Variants in LIX1L observed in about 807,000 individuals in gnomAD.
LIX1L encodes limb and CNS expressed 1 like, also known as LIX1-like protein.
A neutral mutation model predicts 34.0 loss-of-function variants in LIX1L; 20 were observed. The observed-to-expected ratio is 0.59, with a 90% CI of 0.41 to 0.85. The LOEUF (loss-of-function observed/expected upper bound fraction) is 0.85, where lower values mean the gene tolerates loss of function less well. Ranked by LOEUF, LIX1L falls within the 40% of genes least tolerant of loss-of-function variation. The pLI is 0.00. For synonymous variants in LIX1L, 170 were observed against 187.4 expected (o/e 0.91, Z 0.76); for missense variants, 397 against 447.0 (o/e 0.89, Z 1.01).
At chr1:145,950,852 G>A (rs1195522353) in intron 1 of LIX1L, among the ~76,000 whole-genome samples, 1 of 152,222 alleles carries the variant, frequency 6.6e-6, no homozygotes, top group Non-Finnish European at 1.5e-5. Context: ...ACTTTGTGGT[G>A]CAAATGTGGT....
rs782424534 is a variant in LIX1L at position 145,947,611 on chromosome 1, A to G, written c.456+8T>C. On this transcript the variant is annotated splice_region_variant and intron_variant, in intron 2 of 5. Transcript: ENST00000604000. ...TTACCTTTGCTACTGCCACCTCACAACTCTTACCTGGAAACTCCCAAAGCA... is the reference window on the plus strand; with the variant it reads ...TTACCTTTGCTACTGCCACCTCACAGCTCTTACCTGGAAACTCCCAAAGCA... 5.0e-6 allele frequency: 8 copies of G among 1,613,338 alleles called. No homozygotes were observed. Among genetic ancestry groups the G allele is most frequent in the South Asian group, 3.3e-5 (3 of 91,022 alleles).
chr1:145,953,479 TC>T (rs1342856713), intron 1 of LIX1L, among the ~76,000 whole-genome samples: 7 of 152,126 alleles, frequency 4.6e-5, no homozygotes, highest in African/African-American at 1.7e-4. Flanking sequence ...CAATAGTTCA[TC>T]TATTTCCTAT....
intron 3 of LIX1L, among the ~76,000 whole-genome samples, chr1:145,938,371 G>GA (rs1648750770): frequency 6.6e-6 from 1 of 151,992 alleles, no homozygotes; most frequent in Non-Finnish European, 1.5e-5. Context: ...AAGACACACT[G>GA]TCCTGCATTC....
chr1:145,936,659 T>C, intron 5 of LIX1L, 107 bp from the exon 6 acceptor site: 1 of 1,360,640 alleles, frequency 7.3e-7, no homozygotes, highest in South Asian at 1.3e-5. Flanking sequence ...CTAACTGAGG[T>C]CAGCACCTAA....
chr1:145,936,353 A>G lies in LIX1L; in HGVS notation c.971T>C (p.Leu324Pro). The G allele has an allele frequency of 6.2e-7, 1 of 1,614,222 alleles. No individual in the cohort carries two copies. The highest frequency in any genetic ancestry group is 8.5e-7 in the Non-Finnish European group (1 of 1,180,046). The change falls in exon 6 of 6, where the codon CTG (leucine) becomes CCG (proline). Residue 324 changes from leucine (L) to proline (P), a missense_variant. Physicochemically the swap from Leu to Pro is moderately conservative, Grantham distance 98. Coordinates refer to ENST00000604000, the MANE Select transcript of LIX1L (RefSeq NM_153713.3). ...FHKEKKDILVLAAGQLGNMHS... is the reference protein window; with the variant it reads ...FHKEKKDILVPAAGQLGNMHS... Reference sequence around the variant, plus strand: ...CATATTGCCCAACTGCCCAGCAGCCAGCACAAGAATATCTTTCTTCTCCTT... The same window carrying G: ...CATATTGCCCAACTGCCCAGCAGCCGGCACAAGAATATCTTTCTTCTCCTT...
intron 1 of LIX1L, among the ~76,000 whole-genome samples, chr1:145,953,802 C>T (rs1200111664): frequency 6.6e-6 from 1 of 152,118 alleles, no homozygotes; most frequent in Non-Finnish European, 1.5e-5. Flanking sequence ...GCCTATAATT[C>T]CAGCACTTTG....
intron 4 of LIX1L, 117 bp from the exon 5 acceptor site, chr1:145,937,102 C>T (rs1292999444): frequency 3.8e-6 from 2 of 526,632 alleles, no homozygotes; most frequent in Non-Finnish European, 7.0e-6. Flanking sequence ...TCATCACTAA[C>T]TCTGATAGGC....
chr1:145,957,514 G>C (rs1336108064), intron 1 of LIX1L, 122 bp downstream of exon 1: 1 of 1,300,140 alleles, frequency 7.7e-7, no homozygotes, highest in Non-Finnish European at 9.8e-7. Flanking sequence ...TAGCCCAGAA[G>C]GAAACTCCCC....
chr1:145,954,172 G>A (rs1415805725), intron 1 of LIX1L, among the ~76,000 whole-genome samples: 1 of 152,128 alleles, frequency 6.6e-6, no homozygotes, highest in Non-Finnish European at 1.5e-5. Context: ...GCCACCAGAA[G>A]CTGGAAGAGG....
In LIX1L at chr1:145,937,428, G is replaced by T. The variant is rs1648702203; in HGVS notation, c.693+176C>A. 6.2e-6 allele frequency: 3 copies of T among 485,544 alleles called. No individual in the cohort carries two copies. The East Asian group carries it at 1.1e-4, about 17-fold the overall frequency. The allele number at this position is 485,544 out of a possible 1,614,324, so 30.1% of individuals were successfully genotyped here. ...CCCGCCTCAGCCTCCCAAAGTGCTG[G>T]GATTACAGGCCTGAGCCACCATGCC... On this transcript the variant is annotated intron_variant, in intron 4 of 5. Coordinates refer to ENST00000604000, the MANE Select transcript of LIX1L (RefSeq NM_153713.3).
At chr1:145,947,490 TA>T in intron 2 of LIX1L, 128 bp downstream of exon 2, 1 of 979,724 alleles carries the variant, frequency 1.0e-6, no homozygotes, top group Admixed American at 2.6e-5. Context: ...CTTGCCAGAA[TA>T]ATTTCCCCAG....
intron 2 of LIX1L, chr1:145,947,203 C>G: frequency 5.7e-6 from 1 of 175,718 alleles, no homozygotes; most frequent in Non-Finnish European, 1.2e-5. Context: ...CATAGTCCCT[C>G]CGATTTGACC....
At chr1:145,938,083 C>T (rs1648733837) in intron 3 of LIX1L, among the ~76,000 whole-genome samples, 1 of 150,854 alleles carries the variant, frequency 6.6e-6, no homozygotes, top group Non-Finnish European at 1.5e-5. Flanking sequence ...GATCGGGCTA[C>T]TGCACTCCAG....
chr1:145,937,517 T>G, intron 4 of LIX1L, 87 bp downstream of exon 4: 1 of 776,606 alleles, frequency 1.3e-6, no homozygotes, highest in Non-Finnish European at 2.2e-6. Flanking sequence ...CCAGTATCAA[T>G]GAGTTAGGAA....
At chr1:145,942,543 C>A (rs1040662411) in intron 3 of LIX1L, among the ~76,000 whole-genome samples, 170 bp downstream of exon 3, 3 of 152,166 alleles carry the variant, frequency 2.0e-5, no homozygotes, top group African/African-American at 7.2e-5. Flanking sequence ...GAGACTGCGA[C>A]AGGTGGAGCA....
intron 1 of LIX1L, among the ~76,000 whole-genome samples, chr1:145,952,869 C>T (rs1553759970): frequency 6.6e-6 from 1 of 152,138 alleles, no homozygotes; most frequent in Non-Finnish European, 1.5e-5. Context: ...CCTCAGCCTC[C>T]CAAAGTGCTG....
intron 1 of LIX1L, among the ~76,000 whole-genome samples, chr1:145,955,655 A>C (rs1649448042): frequency 6.6e-6 from 1 of 152,342 alleles, no homozygotes; most frequent in East Asian, 1.9e-4. Context: ...AAATGGGCAG[A>C]GATTCTGCTT....
Position 145,957,745 on chromosome 1 carries a change from G to T in LIX1L, c.183C>A (p.Ala61=). 7.1e-7 allele frequency: 1 copy of T among 1,412,346 alleles called. No homozygotes were observed. The highest frequency in any genetic ancestry group is 9.2e-7 in the Non-Finnish European group (1 of 1,088,714). 87.5% of individuals were successfully genotyped at this position (1,412,346 alleles called of 1,614,324 possible). Residue 61 remains alanine (A), a synonymous_variant, in exon 1 of 6, where the codon GCC becomes GCA. Transcript: ENST00000604000. ...CGCCGGGGGGCAGGGGTAGTCCTGG[G>T]GCCCCAGACAGGAGCAGCGGCGGCG... The part of the protein sequence containing the change: ...PPPPPLLLSG[A]PGLPLPPGAA...
intron 2 of LIX1L, among the ~76,000 whole-genome samples, chr1:145,944,364 A>G (rs1199428267): frequency 6.6e-6 from 1 of 152,166 alleles, no homozygotes; most frequent in African/African-American, 2.4e-5. Context: ...GTCTTAAAAA[A>G]ACAATAAATA....
Sources: gnomAD v4.1 joint callset for allele counts (sites outside exome capture counted in the v4.1 genomes callset) on GRCh38, gnomAD v4.1.1 for gene constraint, MANE v1.5 for transcripts, NCBI Gene and HGNC (gene_info 2026-07-23, HGNC 2026-07-21) for gene names.